Variants in TRPC7 observed in about 807,000 individuals in gnomAD.
The protein encoded by TRPC7 is transient receptor potential cation channel subfamily C member 7.
TRPC7 carries 42 observed loss-of-function variants against 90.1 expected under a neutral mutation model. That is an observed-to-expected ratio of 0.47 (90% CI 0.36 to 0.60). The LOEUF (loss-of-function observed/expected upper bound fraction) is 0.60. TRPC7 is among the 20% of genes least tolerant of loss of function. The probability of loss-of-function intolerance (pLI) is 0.00; values close to 1 mark genes in which losing one functional copy is unlikely to be tolerated. For missense variants in TRPC7, 955 were observed against 1,112.3 expected (o/e 0.86, Z 2.01); for synonymous variants, 451 against 436.3 (o/e 1.03, Z -0.42).
chr5:136,358,547 A>G (rs1238339189), intron 1 of TRPC7, among the ~76,000 whole-genome samples: 1 of 152,190 alleles, frequency 6.6e-6, no homozygotes, highest in African/African-American at 2.4e-5. Context: ...GGGCTCCATC[A>G]TTTGCCAGTC....
intron 1 of TRPC7, among the ~76,000 whole-genome samples, chr5:136,359,215 G>T (rs1046215573): frequency 6.6e-6 from 1 of 152,160 alleles, no homozygotes; most frequent in Non-Finnish European, 1.5e-5. Context: ...CGTATGTCTG[G>T]TATAAAGCAA....
At chr5:136,264,484 G>T (rs1756959171) in intron 5 of TRPC7, among the ~76,000 whole-genome samples, 1 of 152,152 alleles carries the variant, frequency 6.6e-6, no homozygotes, top group Non-Finnish European at 1.5e-5. Flanking sequence ...ATTCTGAATT[G>T]TGAAGTTAAG....
At chr5:136,219,572 C>G (rs1755382961) in intron 10 of TRPC7, among the ~76,000 whole-genome samples, 1 of 152,114 alleles carries the variant, frequency 6.6e-6, no homozygotes, top group Admixed American at 6.5e-5. Flanking sequence ...TGGAGACCAG[C>G]CTGGGTAATA....
At chr5:136,233,441 T>C (rs1243418944) in intron 7 of TRPC7, among the ~76,000 whole-genome samples, 1 of 152,146 alleles carries the variant, frequency 6.6e-6, no homozygotes, top group Non-Finnish European at 1.5e-5. Context: ...TGTGTCCCAT[T>C]ATGAACAATC....
At chr5:136,295,582 C>G (rs1758140534) in intron 3 of TRPC7, among the ~76,000 whole-genome samples, 1 of 152,152 alleles carries the variant, frequency 6.6e-6, no homozygotes. Context: ...CAGGCCTCCT[C>G]CAGGCTGCTA....
intron 2 of TRPC7, among the ~76,000 whole-genome samples, chr5:136,353,284 A>G (rs528240909): frequency 1.3e-5 from 2 of 152,348 alleles, no homozygotes; most frequent in Admixed American, 6.5e-5. Flanking sequence ...AAGTGACTCC[A>G]AAAACAATAG....
At chr5:136,347,654 C>A (rs1014621456) in intron 2 of TRPC7, among the ~76,000 whole-genome samples, 6 of 152,192 alleles carry the variant, frequency 3.9e-5, no homozygotes, top group Non-Finnish European at 8.8e-5. Flanking sequence ...AACAATTTGG[C>A]TGAGCCTGGG....
chr5:136,228,199 C>A (rs1755692344), intron 8 of TRPC7, among the ~76,000 whole-genome samples: 2 of 151,998 alleles, frequency 1.3e-5, no homozygotes. Context: ...GGTGCTGAGG[C>A]CACTGACCCA....
At chr5:136,290,330 G>T (rs1757895234) in intron 3 of TRPC7, among the ~76,000 whole-genome samples, 1 of 152,152 alleles carries the variant, frequency 6.6e-6, no homozygotes, top group African/African-American at 2.4e-5. Flanking sequence ...GGCTTCAGAA[G>T]ATCAAACTAC....
chr5:136,281,337 C>G (rs1757545371), intron 3 of TRPC7, among the ~76,000 whole-genome samples: 2 of 152,224 alleles, frequency 1.3e-5, no homozygotes, highest in Non-Finnish European at 2.9e-5. Context: ...GCTCAAGTGC[C>G]TGATCACTTC....
intron 4 of TRPC7, among the ~76,000 whole-genome samples, chr5:136,267,162 C>T (rs992107630): frequency 1.3e-5 from 2 of 152,156 alleles, no homozygotes; most frequent in African/African-American, 4.8e-5. Flanking sequence ...ATGTCACAAG[C>T]TGGAAATGGT....
chr5:136,291,547 G>A (rs1368135517), intron 3 of TRPC7, among the ~76,000 whole-genome samples: 1 of 152,108 alleles, frequency 6.6e-6, no homozygotes, highest in Non-Finnish European at 1.5e-5. Flanking sequence ...GGCAAAGAAG[G>A]CCATTACGTA....
intron 3 of TRPC7, among the ~76,000 whole-genome samples, chr5:136,291,350 T>C (rs1453325924): frequency 3.3e-5 from 5 of 152,106 alleles, no homozygotes; most frequent in Non-Finnish European, 5.9e-5. Context: ...GACTGGCAAA[T>C]TGGATAAAAA....
chr5:136,238,256 C>T (rs1756052314), intron 7 of TRPC7, among the ~76,000 whole-genome samples: 2 of 152,226 alleles, frequency 1.3e-5, no homozygotes, highest in East Asian at 3.8e-4. Context: ...AACTATCTTA[C>T]TTGCCTATTT....
chr5:136,218,774 G>A (rs559028753), intron 10 of TRPC7, among the ~76,000 whole-genome samples: 8 of 152,300 alleles, frequency 5.3e-5, no homozygotes, highest in South Asian at 2.1e-4. Context: ...GGATGAAGAC[G>A]CAAAGAAGCA....
chr5:136,235,561 G>C (rs1480533216), intron 7 of TRPC7, among the ~76,000 whole-genome samples: 1 of 152,150 alleles, frequency 6.6e-6, no homozygotes, highest in African/African-American at 2.4e-5. Context: ...GAGGCTCTCT[G>C]AGTTATATAT....
intron 3 of TRPC7, among the ~76,000 whole-genome samples, chr5:136,312,018 C>T (rs527907615): frequency 1.3e-5 from 2 of 152,244 alleles, no homozygotes; most frequent in African/African-American, 2.4e-5. Context: ...TTCCAACTTT[C>T]CTGATGAGGA....
chr5:136,311,838 G>A (rs1303675858), intron 3 of TRPC7, among the ~76,000 whole-genome samples: 2 of 152,214 alleles, frequency 1.3e-5, no homozygotes, highest in Non-Finnish European at 2.9e-5. Flanking sequence ...GGGATGCACT[G>A]AGGTGGGTAA....
At chr5:136,244,638 G>A (rs1756278314) in intron 7 of TRPC7, among the ~76,000 whole-genome samples, 1 of 152,234 alleles carries the variant, frequency 6.6e-6, no homozygotes, top group Non-Finnish European at 1.5e-5. Flanking sequence ...TCTGATCACA[G>A]AAAGTAAGAG....
Sources: allele counts gnomAD v4.1 joint callset (sites outside exome capture counted in the v4.1 genomes callset), GRCh38; gene constraint gnomAD v4.1.1; transcripts MANE v1.5; gene names NCBI Gene and HGNC (gene_info 2026-07-23, HGNC 2026-07-21).